The following SULT1B1 variants were observed in gnomAD, a reference collection of about 807,000 sequenced individuals.
SULT1B1 encodes the protein sulfotransferase family 1B member 1.
Under a neutral mutation model 34.6 loss-of-function variants are expected in SULT1B1, and 28 were observed. That is an observed-to-expected ratio of 0.81 (90% CI 0.60 to 1.11). The LOEUF (loss-of-function observed/expected upper bound fraction) is 1.11, where lower values mean the gene tolerates loss of function less well. SULT1B1 is among the 50% of genes least tolerant of loss of function. The pLI, the probability that SULT1B1 is intolerant of heterozygous loss-of-function variation, is 0.00. For synonymous variants in SULT1B1, 147 were observed against 110.2 expected, an observed-to-expected ratio of 1.33 and a Z score of -2.09; for missense variants, 374 against 352.2, an observed-to-expected ratio of 1.06 and a Z score of -0.50.
In SULT1B1 at chr4:69,734,271, TG is replaced by T. The variant is rs780273019; in HGVS notation, c.376-8del. The T allele has an allele frequency of 1.3e-5, 20 of 1,587,626 alleles. No individual in the cohort carries two copies. Among genetic ancestry groups the T allele is most frequent in the East Asian group, 9.4e-5 (4 of 42,684 alleles). On this transcript the variant is annotated splice_region_variant and splice_polypyrimidine_tract_variant and intron_variant, in intron 4 of 7. Transcript: ENST00000310613. ...TACGAGCCAGATAAATCATCTGCAG[TG>T]GGGGGTGGGGGTAGGAGAAAAAAAT...
At chr4:69,732,780 A>T (rs1718131792) in intron 6 of SULT1B1, among the ~76,000 whole-genome samples, 1 of 151,486 alleles carries the variant, frequency 6.6e-6, no homozygotes, top group Admixed American at 6.6e-5. Flanking sequence ...ATAGTAAGGA[A>T]GTAAAGGAGG....
At chr4:69,746,583 G>GT (rs1206044313) in intron 4 of SULT1B1, among the ~76,000 whole-genome samples, 1 of 152,012 alleles carries the variant, frequency 6.6e-6, no homozygotes, top group Non-Finnish European at 1.5e-5. Flanking sequence ...ACGTGTCTAT[G>GT]TTTTCTTTCT....
chr4:69,758,190 A>G (rs1719262197), intron 1 of SULT1B1: 2 of 503,292 alleles, frequency 4.0e-6, no homozygotes, highest in Admixed American at 6.4e-5. Flanking sequence ...AGTCAGCAGA[A>G]GGAGGAAGTT....
chr4:69,736,338 G>T (rs958500718), intron 4 of SULT1B1, among the ~76,000 whole-genome samples: 2 of 152,174 alleles, frequency 1.3e-5, no homozygotes, highest in African/African-American at 4.8e-5. Flanking sequence ...TGGACTTGGA[G>T]GGTACAAGAC....
rs1370836593 is a variant in SULT1B1, at chr4:69,726,067, T to G, written c.*1021A>C. 2.0e-5 allele frequency: 2 copies of G among 100,082 alleles called. No homozygotes were observed. The highest frequency in any genetic ancestry group is 8.5e-5 in the African/African-American group (2 of 23,522). 6.2% of individuals were successfully genotyped at this position (100,082 alleles called of 1,614,324 possible). A position where few individuals can be genotyped will look rare whatever the true frequency, so the allele number is the denominator to read the frequency against. On this transcript the variant is annotated 3_prime_UTR_variant, in exon 8 of 8. Transcript: ENST00000310613. Reference sequence around the variant, plus strand: ...ATATATATATATATATATATATATATATATATATATATATAAATGTTCCAA... The same window carrying G: ...ATATATATATATATATATATATATAGATATATATATATATAAATGTTCCAA...
At position 69,727,169 on chromosome 4, in the gene SULT1B1, G is replaced by C. The variant is rs780153506; in HGVS notation, c.810C>G (p.Thr270=). ...GTAGDWKNYF[T]VAQNEKFDAI... ...CATCAAATTTCTCATTTTGGGCCAC[G>C]GTGAAGTAATTCTTCCAGTCACCAG... Residue 270 remains threonine (T), a synonymous_variant, in exon 8 of 8, where the codon ACC becomes ACG. Transcript: ENST00000310613. 9 of 1,610,354 alleles carry C rather than the reference G, an allele frequency of 5.6e-6. No homozygotes were observed. The highest frequency in any genetic ancestry group is 7.6e-6 in the Non-Finnish European group (9 of 1,178,192).
At chr4:69,739,901 T>G (rs1718474256) in intron 4 of SULT1B1, among the ~76,000 whole-genome samples, 2 of 152,182 alleles carry the variant, frequency 1.3e-5, no homozygotes, top group Admixed American at 1.3e-4. Flanking sequence ...TGACCTTTAC[T>G]CCAGTTCCCA....
rs560092083 is a variant in SULT1B1, at chr4:69,725,448, T to C, written c.*1640A>G. 6.6e-6 allele frequency: 1 copy of C among 152,352 alleles called. No individual in the cohort carries two copies. Among genetic ancestry groups the C allele is most frequent in the African/African-American group, 2.4e-5 (1 of 41,586 alleles). 9.4% of individuals were successfully genotyped at this position (152,352 alleles called of 1,614,324 possible). ...GGAGTGTAAACTAGTTCAACCATTGTGGAAGACAGTGTGGCAATTCCTCAG... is the reference window on the plus strand; with the variant it reads ...GGAGTGTAAACTAGTTCAACCATTGCGGAAGACAGTGTGGCAATTCCTCAG... On this transcript the variant is annotated 3_prime_UTR_variant, in exon 8 of 8. Coordinates refer to ENST00000310613, the MANE Select transcript of SULT1B1 (RefSeq NM_014465.4).
At chr4:69,730,803 T>C (rs1578046876) in intron 6 of SULT1B1, 122 bp from the exon 7 acceptor site, 1 of 859,684 alleles carries the variant, frequency 1.2e-6, no homozygotes, top group East Asian at 2.8e-5. Flanking sequence ...TCCATATTTG[T>C]TTGGGTTTTT....
intron 1 of SULT1B1, among the ~76,000 whole-genome samples, chr4:69,756,482 TA>T (rs1156444656): frequency 6.6e-6 from 1 of 152,206 alleles, no homozygotes. Context: ...TTGTCCTGCC[TA>T]AGTGGGTGAT....
At chr4:69,759,834 G>A (rs1719327218) in intron 1 of SULT1B1, among the ~76,000 whole-genome samples, 1 of 152,098 alleles carries the variant, frequency 6.6e-6, no homozygotes, top group Non-Finnish European at 1.5e-5. Flanking sequence ...TTTAAGATGA[G>A]CCATAGGCTG....
rs1717680004 is a variant in SULT1B1, at chr4:69,722,121, A to G, written c.*4967T>C. ...ATAGAATAAATATATAAGAGGCAAC[A>G]ACCTATTTAAAAAGTAAAGGAAAAT... On this transcript the variant is annotated 3_prime_UTR_variant, in exon 8 of 8. Transcript: ENST00000310613. 6.6e-6 allele frequency: 1 copy of G among 152,150 alleles called. No homozygotes were observed. The highest frequency in any genetic ancestry group is 6.6e-5 in the Admixed American group (1 of 15,258). The allele number at this position is 152,150 out of a possible 1,614,324, so 9.4% of individuals were successfully genotyped here.
chr4:69,724,265 T>C lies in SULT1B1; in HGVS notation c.*2823A>G, dbSNP rs1226216335. On this transcript the variant is annotated 3_prime_UTR_variant, in exon 8 of 8. Coordinates refer to ENST00000310613, the MANE Select transcript of SULT1B1 (RefSeq NM_014465.4). ...GAGCCAAATCAGGAGTGAACTCCCA[T>C]TCACAATTGCTTCAAAGAGAATAAA... The C allele has an allele frequency of 1.3e-5, 2 of 152,172 alleles. No homozygotes were observed. Among genetic ancestry groups the C allele is most frequent in the Non-Finnish European group, 2.9e-5 (2 of 68,030 alleles). The allele number at this position is 152,172 out of a possible 1,614,324, so 9.4% of individuals were successfully genotyped here.
intron 6 of SULT1B1, among the ~76,000 whole-genome samples, chr4:69,732,736 A>G (rs192923191): frequency 1.4e-4 from 21 of 150,742 alleles, no homozygotes; most frequent in African/African-American, 4.1e-4. Flanking sequence ...TTCATACTAG[A>G]TAGATGATTA....
chr4:69,752,206 A>C (rs1273832362), intron 3 of SULT1B1, among the ~76,000 whole-genome samples: 1 of 152,198 alleles, frequency 6.6e-6, no homozygotes, highest in East Asian at 1.9e-4. Context: ...CTTGAATTTT[A>C]AGTTGAAATC....
chr4:69,730,558 A>C lies in SULT1B1; in HGVS notation c.721T>G (p.Tyr241Asp). 1 of 1,612,996 alleles carries C rather than the reference A, an allele frequency of 6.2e-7. No homozygotes were observed. The highest frequency in any genetic ancestry group is 8.5e-7 in the Non-Finnish European group (1 of 1,179,272). ...EVMKDNPLVN[Y>D]THLPTTVMDH... The stretch of plus-strand genomic sequence containing the variant: ...ATCACTGTAGTTGGTAGATGTGTAT[A>C]ATTTACCAAAGGATTGTCCTTCATC... Residue 241 changes from tyrosine (Y) to aspartate (D), a missense_variant, in exon 7 of 8, where the codon TAT becomes GAT. Tyr to Asp is a radical substitution (Grantham distance 160). Transcript: ENST00000310613.
chr4:69,758,804 CTTTA>C (rs1023445566), intron 1 of SULT1B1, among the ~76,000 whole-genome samples: 1 of 152,066 alleles, frequency 6.6e-6, no homozygotes, highest in Admixed American at 6.5e-5. Flanking sequence ...TTTGCCTTTT[CTTTA>C]TTTATTCATC....
chr4:69,756,992 C>A (rs1056983159), intron 1 of SULT1B1, among the ~76,000 whole-genome samples: 1 of 151,794 alleles, frequency 6.6e-6, no homozygotes, highest in Admixed American at 6.6e-5. Context: ...CACACACACA[C>A]ACACACAAAG....
At chr4:69,737,677 C>A (rs373886419) in intron 4 of SULT1B1, among the ~76,000 whole-genome samples, 1 of 151,674 alleles carries the variant, frequency 6.6e-6, no homozygotes, top group African/African-American at 2.4e-5. Context: ...ATGGCAATAG[C>A]TAAAGCAATC....
Sources: allele counts gnomAD v4.1 joint callset (sites outside exome capture counted in the v4.1 genomes callset), GRCh38; gene constraint gnomAD v4.1.1; transcripts MANE v1.5; gene names NCBI Gene and HGNC (gene_info 2026-07-23, HGNC 2026-07-21).